Variants in DHX36 observed in about 807,000 individuals in gnomAD.
DHX36 encodes the protein ATP-dependent DNA/RNA helicase DHX36.
In DHX36, 50 loss-of-function variants were observed where a neutral mutation model predicts 139.0. That is an observed-to-expected ratio of 0.36 (90% CI 0.29 to 0.46). The LOEUF (loss-of-function observed/expected upper bound fraction) is 0.46, where lower values mean the gene tolerates loss of function less well. Among genes scored for constraint, DHX36 ranks in the 20% least tolerant of loss-of-function variants. DHX36 has a pLI of 1.00. For synonymous variants in DHX36, 425 were observed against 401.9 expected, an observed-to-expected ratio of 1.06 and a Z score of -0.69; for missense variants, 1,024 against 1,211.3, an observed-to-expected ratio of 0.85 and a Z score of 2.29.
intron 4 of DHX36, among the ~76,000 whole-genome samples, 154 bp downstream of exon 4, chr3:154,311,482 T>A (rs1053925216): frequency 6.6e-6 from 1 of 152,030 alleles, no homozygotes; most frequent in Non-Finnish European, 1.5e-5. Flanking sequence ...CTTTTTTTTC[T>A]TTTTGTCCTT....
At chr3:154,296,461 G>A (rs570747153) in intron 12 of DHX36, among the ~76,000 whole-genome samples, 30 of 152,162 alleles carry the variant, frequency 2.0e-4, no homozygotes, top group African/African-American at 2.6e-4. Flanking sequence ...GTGACAGAGC[G>A]AGACTCCGTC....
At chr3:154,276,622 T>G in intron 24 of DHX36, 125 bp downstream of exon 24, 1 of 1,120,786 alleles carries the variant, frequency 8.9e-7, no homozygotes, top group Non-Finnish European at 1.3e-6. Flanking sequence ...GAATCATTTT[T>G]TCAAAATTAT....
At position 154,283,194 on chromosome 3, in the gene DHX36, T is replaced by C; in HGVS notation, c.2370A>G (p.Thr790=). The C allele has an allele frequency of 2.5e-6, 4 of 1,611,176 alleles. No homozygotes were observed. Among genetic ancestry groups the C allele is most frequent in the Non-Finnish European group, 3.4e-6 (4 of 1,177,378 alleles). Residue 790 remains threonine, a synonymous_variant, in exon 20 of 25, where the codon ACA becomes ACG. Coordinates refer to ENST00000496811, the MANE Select transcript of DHX36 (RefSeq NM_020865.3). ...YCWEYFLSSN[T]LQMLHNMKGQ... is the part of the protein sequence containing the mutation. ...GCAAAACATTCACCATTACCTGCAG[T>C]GTGTTTGAAGACAGAAAATATTCCC... is the stretch of plus-strand genomic sequence containing the variant.
At chr3:154,321,235 T>C (rs984703532) in intron 1 of DHX36, among the ~76,000 whole-genome samples, 12 of 152,216 alleles carry the variant, frequency 7.9e-5, no homozygotes, top group African/African-American at 2.7e-4. Context: ...AAGTTTGAAA[T>C]TGACTGCCCT....
chr3:154,282,571 TC>T (rs1360543417), intron 20 of DHX36, among the ~76,000 whole-genome samples: 2 of 152,000 alleles, frequency 1.3e-5, no homozygotes, highest in East Asian at 3.9e-4. Flanking sequence ...ATTGTGGTGA[TC>T]CTTTTTTTCC....
chr3:154,310,832 T>TATACACATATATATATATATGTATATAC (rs1712731866), intron 4 of DHX36, among the ~76,000 whole-genome samples: 1 of 53,182 alleles, frequency 1.9e-5, no homozygotes, highest in Admixed American at 3.6e-4. Flanking sequence ...TATATATATA[T>TATACACATATATATATATATGTATATAC]ATATATATAT....
intron 19 of DHX36, 69 bp downstream of exon 19, chr3:154,284,514 C>T: frequency 7.5e-7 from 1 of 1,336,464 alleles, no homozygotes; most frequent in Non-Finnish European, 1.0e-6. Context: ...TAAATATGAT[C>T]CTTATTCTAT....
intron 14 of DHX36, 105 bp from the exon 15 acceptor site, chr3:154,292,799 G>T: frequency 1.4e-6 from 2 of 1,455,734 alleles, no homozygotes; most frequent in Non-Finnish European, 1.8e-6. Context: ...CCAATAAATA[G>T]GTATTTCAGA....
In DHX36 at chr3:154,324,443, A is replaced by G. The variant is rs1408872321; in HGVS notation, c.-27T>C. 8.9e-6 allele frequency: 13 copies of G among 1,455,306 alleles called. No homozygotes were observed. The highest frequency in any genetic ancestry group is 1.2e-5 in the Non-Finnish European group (13 of 1,106,362). 90.1% of individuals were successfully genotyped at this position (1,455,306 alleles called of 1,614,324 possible). ...GTCCTGGCAGACTACAACCCGTCAG[A>G]ACCAGCAACCGCTGGAAATGGCGTC... is the stretch of plus-strand genomic sequence containing the variant. On this transcript the variant is annotated 5_prime_UTR_variant, in exon 1 of 25. Transcript: ENST00000496811.
chr3:154,315,008 A>C (rs766491992), intron 3 of DHX36, 38 bp downstream of exon 3: 1 of 1,452,998 alleles, frequency 6.9e-7, no homozygotes, highest in African/African-American at 1.4e-5. Flanking sequence ...AAGTGTAAGA[A>C]AAAAATGACA....
intron 14 of DHX36, among the ~76,000 whole-genome samples, chr3:154,293,232 A>G (rs1711892467): frequency 6.6e-6 from 1 of 151,792 alleles, no homozygotes. Flanking sequence ...ACAAACAAAA[A>G]CCAACACCTA....
intron 17 of DHX36, among the ~76,000 whole-genome samples, chr3:154,287,564 C>T (rs1281189839): frequency 6.6e-6 from 1 of 151,868 alleles, no homozygotes; most frequent in East Asian, 1.9e-4. Context: ...GCAGGAGAAT[C>T]GCTTGAATCT....
At chr3:154,277,123 C>T (rs1265848207) in intron 23 of DHX36, among the ~76,000 whole-genome samples, 3 of 152,138 alleles carry the variant, frequency 2.0e-5, no homozygotes, top group African/African-American at 4.8e-5. Context: ...CTAAGCACTA[C>T]TCTGAACAAA....
Position 154,276,813 on chromosome 3 carries a change from C to T in DHX36, c.2775G>A (p.Gln925=). 6.2e-7 allele frequency: 1 copy of T among 1,613,948 alleles called. No homozygotes were observed. Among genetic ancestry groups the T allele is most frequent in the Non-Finnish European group, 8.5e-7 (1 of 1,179,932 alleles). The part of the protein sequence containing the change: ...GDISIQKDND[Q]ETIAVDEWIV... Reference sequence around the variant, plus strand: ...TCCACTCATCTACAGCAATAGTTTCCTGATCGTTATCCTTCTGGATGGAAA... The same window carrying T: ...TCCACTCATCTACAGCAATAGTTTCTTGATCGTTATCCTTCTGGATGGAAA... The change falls in exon 24 of 25, where the codon CAG becomes CAA. Residue 925 remains glutamine, a synonymous_variant. Coordinates refer to ENST00000496811, the MANE Select transcript of DHX36 (RefSeq NM_020865.3).
In DHX36 at chr3:154,275,929, G is replaced by A. The variant is rs896685974; in HGVS notation, c.*242C>T. 3.6e-6 allele frequency: 1 copy of A among 274,546 alleles called. No homozygotes were observed. Among genetic ancestry groups the A allele is most frequent in the African/African-American group, 2.2e-5 (1 of 45,304 alleles). The allele number at this position is 274,546 out of a possible 1,614,324, so 17.0% of individuals were successfully genotyped here. On this transcript the variant is annotated 3_prime_UTR_variant, in exon 25 of 25. Transcript: ENST00000496811. ...TAAAGGGAATATACTCCCAAAGAGT[G>A]GGCATGACCACAGCAGAGTATATGA...
At chr3:154,313,474 G>A (rs1286490488) in intron 3 of DHX36, among the ~76,000 whole-genome samples, 1 of 152,056 alleles carries the variant, frequency 6.6e-6, no homozygotes, top group African/African-American at 2.4e-5. Flanking sequence ...GAGCCCAGGA[G>A]TTCAAGACCA....
rs369597713 is a variant in DHX36, at chr3:154,277,831, C to T, written c.2568-113G>A. ...AGCTTGGTAAAAACCAAACAAATCC[C>T]GGAATCTAAAAAAATTCCAGAGAAT... On this transcript the variant is annotated intron_variant, in intron 22 of 24. Coordinates refer to ENST00000496811, the MANE Select transcript of DHX36 (RefSeq NM_020865.3). 83 of 998,304 alleles carry T rather than the reference C, an allele frequency of 8.3e-5. No homozygotes were observed. The African/African-American group carries it at 9.5e-4, about 11-fold the overall frequency. 61.8% of individuals were successfully genotyped at this position (998,304 alleles called of 1,614,324 possible). A position where few individuals can be genotyped will look rare whatever the true frequency, so the allele number is the denominator to read the frequency against.
At position 154,309,811 on chromosome 3, in the gene DHX36, A is replaced by G; in HGVS notation, c.655T>C (p.Leu219=). 2 of 1,596,752 alleles carry G rather than the reference A, an allele frequency of 1.3e-6. No homozygotes were observed. Among genetic ancestry groups the G allele is most frequent in the Admixed American group, 1.8e-5 (1 of 56,428 alleles). The part of the protein sequence containing the change: ...SYGMQKELVN[L]IDNHQVTVIS... ...ACTGTTACCTGATGGTTATCAATTA[A>G]ATTTACCAATTCCTATTTCAAAAGG... Residue 219 remains leucine, a synonymous_variant, in exon 5 of 25, where the codon TTA becomes CTA. Coordinates refer to ENST00000496811, the MANE Select transcript of DHX36 (RefSeq NM_020865.3).
At chr3:154,289,645 C>A in intron 16 of DHX36, 64 bp downstream of exon 16, 2 of 965,440 alleles carry the variant, frequency 2.1e-6, no homozygotes, top group East Asian at 2.4e-5. Flanking sequence ...GTACTTTGTT[C>A]TACAAAAGAT....
Sources: gnomAD v4.1 joint callset for allele counts (sites outside exome capture counted in the v4.1 genomes callset) on GRCh38, gnomAD v4.1.1 for gene constraint, MANE v1.5 for transcripts, NCBI Gene and HGNC (gene_info 2026-07-23, HGNC 2026-07-21) for gene names.